SLCO3A1: variants seen among roughly 807,000 people sequenced by gnomAD.
The protein encoded by SLCO3A1 is PGE1 transporter.
In SLCO3A1, 27 loss-of-function variants were observed where a neutral mutation model predicts 63.1. The observed-to-expected ratio is 0.43, with a 90% CI of 0.32 to 0.59. The LOEUF is 0.59. SLCO3A1 is among the 20% of genes least tolerant of loss of function. The pLI is 0.09. For missense variants in SLCO3A1, 773 were observed against 945.8 expected, an observed-to-expected ratio of 0.82 and a Z score of 2.40; for synonymous variants, 473 against 409.9, an observed-to-expected ratio of 1.15 and a Z score of -1.86.
chr15:91,992,681 C>T (rs777138959), intron 2 of SLCO3A1, among the ~76,000 whole-genome samples: 2 of 152,226 alleles, frequency 1.3e-5, no homozygotes, highest in Non-Finnish European at 2.9e-5. Flanking sequence ...AGAAGGGACA[C>T]AGCTTCTCAG....
chr15:91,989,558 T>C (rs1005833307), intron 2 of SLCO3A1, among the ~76,000 whole-genome samples: 26 of 152,328 alleles, frequency 1.7e-4, no homozygotes, highest in African/African-American at 6.0e-4. Flanking sequence ...AGGGCTCAAA[T>C]AACTGATATT....
intron 2 of SLCO3A1, among the ~76,000 whole-genome samples, chr15:91,932,466 GA>G (rs1220120101): frequency 6.7e-6 from 1 of 150,370 alleles, no homozygotes; most frequent in Non-Finnish European, 1.5e-5. Context: ...TTTTTTTTGA[GA>G]CAGGGTCTTG....
At chr15:91,874,084 T>C (rs1031347939) in intron 1 of SLCO3A1, among the ~76,000 whole-genome samples, 92 of 152,324 alleles carry the variant, frequency 6.0e-4, no homozygotes, top group African/African-American at 2.1e-3. Context: ...ATATATGATA[T>C]GGTTTTTCCT....
rs530601311 is a variant in SLCO3A1, at chr15:92,062,241, ATGAG to A, written c.647-32634_647-32631del. Among the ~76,000 whole-genome samples, 260 of 152,288 alleles carry A rather than the reference ATGAG, an allele frequency of 1.7e-3. 1 individual carries two copies. Among genetic ancestry groups the A allele is most frequent in the African/African-American group, 5.6e-3 (232 of 41,566 alleles). On this transcript the variant is annotated intron_variant, in intron 2 of 9. Coordinates refer to ENST00000318445, the MANE Select transcript of SLCO3A1 (RefSeq NM_013272.4). The stretch of plus-strand genomic sequence containing the variant: ...TTCAGATGGTAAAAGTTTTTGCAAA[ATGAG>A]TGAGTAAGTGGCAGTTTTATGGAGG...
At chr15:91,857,662 G>A (rs965705613) in intron 1 of SLCO3A1, among the ~76,000 whole-genome samples, 5 of 152,162 alleles carry the variant, frequency 3.3e-5, no homozygotes, top group African/African-American at 7.2e-5. Flanking sequence ...GTGCCTATTG[G>A]TGTTTTGCAG....
chr15:92,072,493 A>G (rs2151516135), intron 2 of SLCO3A1, among the ~76,000 whole-genome samples: 1 of 152,312 alleles, frequency 6.6e-6, no homozygotes, highest in African/African-American at 2.4e-5. Context: ...TCTTTAAACA[A>G]AAGATTGGTT....
chr15:91,975,278 T>TG (rs34722010), intron 2 of SLCO3A1, among the ~76,000 whole-genome samples: 63,355 of 151,940 alleles, frequency 0.42, 13,382 homozygotes, highest in African/African-American at 0.46. Flanking sequence ...TGAATTTGAA[T>TG]CCTTTGCCTG....
rs58583847 is a variant in SLCO3A1, at chr15:91,894,869, G to A, written c.181-21124G>A. On this transcript the variant is annotated intron_variant, in intron 1 of 9. Transcript: ENST00000318445. This position sits in a 1 kb window ranked among gnomAD's most constrained non-coding sequence, Gnocchi z 4.8. ...AAACCCCCGGAGGGACAGGGAGTGC[G>A]TAGAAGCAGGTTGTAGCTCGCCTGC... Among the ~76,000 whole-genome samples the A allele has an allele frequency of 0.021, 3,158 of 152,288 alleles. 112 individuals are homozygous for A. The highest frequency in any genetic ancestry group is 0.072 in the African/African-American group (2,996 of 41,538).
intron 8 of SLCO3A1, among the ~76,000 whole-genome samples, chr15:92,147,367 G>A (rs957474144): frequency 2.0e-5 from 3 of 152,070 alleles, no homozygotes; most frequent in African/African-American, 7.2e-5. Flanking sequence ...GCATGGGGGA[G>A]AAGACAGCAC....
chr15:91,963,511 C>T (rs1338810406), intron 2 of SLCO3A1, among the ~76,000 whole-genome samples: 1 of 151,984 alleles, frequency 6.6e-6, no homozygotes, highest in Non-Finnish European at 1.5e-5. Context: ...AATAACATTT[C>T]ATCTGATTGG....
rs185852842 is a variant in SLCO3A1, at chr15:91,899,538, A to G, written c.181-16455A>G. On this transcript the variant is annotated intron_variant, in intron 1 of 9. Coordinates refer to ENST00000318445, the MANE Select transcript of SLCO3A1 (RefSeq NM_013272.4). ...TGTGAACCTCTCCCAGTTCTGCCCT[A>G]TTTTTTCATTGCATTTACCACATTC... 4.4e-4 allele frequency among the ~76,000 whole-genome samples: 67 copies of G among 152,008 alleles called. No individual in the cohort carries two copies. In the East Asian group the frequency reaches 8.5e-3, roughly 19 times the overall value.
rs1032010320 is a variant in SLCO3A1 at position 91,967,797 on chromosome 15, A to G, written c.646+51339A>G. On this transcript the variant is annotated intron_variant, in intron 2 of 9. Coordinates refer to ENST00000318445, the MANE Select transcript of SLCO3A1 (RefSeq NM_013272.4). This position sits in a 1 kb window ranked among gnomAD's most constrained non-coding sequence, Gnocchi z 4.4. ...TGGGGAACCACGAGGACGTAGTGGCAGGACTAAAGGTCAAGGTCACTTCAG... is the reference window on the plus strand; with the variant it reads ...TGGGGAACCACGAGGACGTAGTGGCGGGACTAAAGGTCAAGGTCACTTCAG... Among the ~76,000 whole-genome samples, 1 of 152,166 alleles carries G rather than the reference A, an allele frequency of 6.6e-6. No individual in the cohort carries two copies. Among genetic ancestry groups the G allele is most frequent in the Admixed American group, 6.5e-5 (1 of 15,282 alleles).
chr15:92,106,813 C>T (rs914904895), intron 4 of SLCO3A1, among the ~76,000 whole-genome samples: 3 of 152,270 alleles, frequency 2.0e-5, no homozygotes, highest in Non-Finnish European at 2.9e-5. Context: ...AGAAGCCCAC[C>T]GCTCCTGGGC....
chr15:91,988,690 G>GA (rs11455315), intron 2 of SLCO3A1, among the ~76,000 whole-genome samples: 4,709 of 152,166 alleles, frequency 0.031, 258 homozygotes, highest in African/African-American at 0.11. Context: ...CTCTAAGGTG[G>GA]AGCCTGAAAA....
At chr15:92,011,052 C>A (rs1230111552) in intron 2 of SLCO3A1, among the ~76,000 whole-genome samples, 1 of 152,218 alleles carries the variant, frequency 6.6e-6, no homozygotes, top group Non-Finnish European at 1.5e-5. Context: ...ATACCAGAAT[C>A]CTCACAATAG....
intron 9 of SLCO3A1, among the ~76,000 whole-genome samples, chr15:92,154,209 A>G (rs574233672): frequency 6.6e-6 from 1 of 152,356 alleles, no homozygotes; most frequent in South Asian, 2.1e-4. Context: ...ATTATGCATT[A>G]TTCTCCAAGT....
intron 2 of SLCO3A1, among the ~76,000 whole-genome samples, chr15:91,974,086 A>T (rs1395618236): frequency 6.6e-6 from 1 of 151,922 alleles, no homozygotes; most frequent in East Asian, 1.9e-4. Context: ...GGACCTAAGA[A>T]ACCAGGCTGT....
chr15:92,048,293 A>G (rs1008789178), intron 2 of SLCO3A1, among the ~76,000 whole-genome samples: 10 of 151,956 alleles, frequency 6.6e-5, no homozygotes, highest in Non-Finnish European at 2.9e-5. Flanking sequence ...CTGTACCCCC[A>G]TCGGACTCTG....
intron 2 of SLCO3A1, among the ~76,000 whole-genome samples, chr15:92,057,608 G>C (rs923146635): frequency 6.6e-6 from 1 of 152,144 alleles, no homozygotes; most frequent in Non-Finnish European, 1.5e-5. Flanking sequence ...CCACCTTTGG[G>C]GATGGAGAAT....
Sources: allele counts gnomAD v4.1 joint callset (sites outside exome capture counted in the v4.1 genomes callset), GRCh38; gene constraint gnomAD v4.1.1; non-coding constraint Gnocchi (gnomAD v3.1); transcripts MANE v1.5; gene names NCBI Gene and HGNC (gene_info 2026-07-23, HGNC 2026-07-21).